Variants in PDE1A observed in about 807,000 individuals in gnomAD.
PDE1A encodes the protein dual specificity calcium/calmodulin-dependent 3',5'-cyclic nucleotide phosphodiesterase 1A.
PDE1A carries 35 observed loss-of-function variants against 61.7 expected under a neutral mutation model. The ratio of observed to expected loss-of-function variants is 0.57; its 90% CI spans 0.43 to 0.75. The LOEUF is 0.75. Ranked by LOEUF, PDE1A falls within the 30% of genes least tolerant of loss-of-function variation. The pLI is 0.00. For missense variants in PDE1A, 597 were observed against 630.6 expected, an observed-to-expected ratio of 0.95 and a Z score of 0.57; for synonymous variants, 232 against 213.2, an observed-to-expected ratio of 1.09 and a Z score of -0.77.
chr2:182,250,806 T>G (rs1691343562), intron 2 of PDE1A, among the ~76,000 whole-genome samples: 1 of 152,128 alleles, frequency 6.6e-6, no homozygotes, highest in Admixed American at 6.5e-5. Context: ...TTCTCCAAGG[T>G]AAGACCTACG....
intron 1 of PDE1A, among the ~76,000 whole-genome samples, chr2:182,320,020 A>T (rs1696597717): frequency 6.6e-6 from 1 of 152,124 alleles, no homozygotes; most frequent in Non-Finnish European, 1.5e-5. Context: ...TATGTTGCCT[A>T]TATTCAGTGT....
At chr2:182,167,842 A>G (rs1553519592), downstream of PDE1A, 1 of 910,306 alleles carries the variant, frequency 1.1e-6, no homozygotes, top group Non-Finnish European at 1.3e-6. Context: ...TTTTTTTTTA[A>G]TTTGCACTAC....
intron 1 of PDE1A, among the ~76,000 whole-genome samples, chr2:182,411,189 T>C (rs1702593292): frequency 6.6e-6 from 1 of 152,196 alleles, no homozygotes; most frequent in South Asian, 2.1e-4. Context: ...TACTCTGTTT[T>C]TTCTTCAGCT....
chr2:182,157,023 T>TA (rs979973793), intron 13 of PDE1A, among the ~76,000 whole-genome samples: 14 of 148,176 alleles, frequency 9.4e-5, no homozygotes, highest in African/African-American at 3.2e-4. Context: ...TATTTTATTT[T>TA]TTTTTTTTTG....
intron 1 of PDE1A, among the ~76,000 whole-genome samples, chr2:182,273,015 C>A (rs570257050): frequency 4.5e-4 from 68 of 152,074 alleles, no homozygotes; most frequent in Middle Eastern, 3.4e-3. Flanking sequence ...AGAGTTATTT[C>A]CTCTATTATC....
At chr2:182,222,206 T>C (rs1242400390) in intron 7 of PDE1A, among the ~76,000 whole-genome samples, 2 of 151,998 alleles carry the variant, frequency 1.3e-5, no homozygotes, top group African/African-American at 4.8e-5. Context: ...TGGAATAGTA[T>C]TCAGTGATAA....
chr2:182,466,321 C>A (rs560570163), intron 2 of PDE1A, among the ~76,000 whole-genome samples: 1 of 152,096 alleles, frequency 6.6e-6, no homozygotes, highest in East Asian at 1.9e-4. Flanking sequence ...TCTCATCAGA[C>A]TAAAATCAAA....
At chr2:182,680,903 T>C in the PDE1A span, among the ~76,000 whole-genome samples, 10 of 152,220 alleles carry the variant, frequency 6.6e-5, no homozygotes, top group Non-Finnish European at 1.0e-4. Context: ...CTCTTATTTA[T>C]ACCTACTTTC....
At chr2:182,646,939 C>T in the PDE1A span, among the ~76,000 whole-genome samples, 9 of 152,252 alleles carry the variant, frequency 5.9e-5, no homozygotes, top group South Asian at 1.5e-3. Flanking sequence ...TCTAGGCCTG[C>T]GTGGAGACAA....
chr2:182,626,719 A>T, the PDE1A span, among the ~76,000 whole-genome samples: 4 of 11,874 alleles, frequency 3.4e-4, no homozygotes, highest in Non-Finnish European at 1.2e-3. Flanking sequence ...AAATGGCTTT[A>T]TATATATATA....
At chr2:182,667,803 C>T in the PDE1A span, among the ~76,000 whole-genome samples, 2 of 152,088 alleles carry the variant, frequency 1.3e-5, no homozygotes, top group South Asian at 4.1e-4. Flanking sequence ...AAACTGCAAC[C>T]CAAAATGAGA....
chr2:182,526,037 A>G (rs1398459982), upstream of PDE1A, among the ~76,000 whole-genome samples: 2 of 152,200 alleles, frequency 1.3e-5, no homozygotes, highest in Non-Finnish European at 2.9e-5. Flanking sequence ...AGGTGAGAAC[A>G]AGAAATCATA....
intron 1 of PDE1A, among the ~76,000 whole-genome samples, chr2:182,421,281 A>C (rs1393466055): frequency 6.6e-6 from 1 of 152,162 alleles, no homozygotes; most frequent in Non-Finnish European, 1.5e-5. Context: ...GTCTAAGATA[A>C]ATGTACATGT....
the PDE1A span, among the ~76,000 whole-genome samples, chr2:182,582,590 A>C: frequency 6.6e-6 from 1 of 152,218 alleles, no homozygotes; most frequent in African/African-American, 2.4e-5. Context: ...GAGATGGGAG[A>C]GTGCCACTCG....
the PDE1A span, among the ~76,000 whole-genome samples, chr2:182,571,999 A>G: frequency 6.6e-6 from 1 of 152,342 alleles, no homozygotes; most frequent in South Asian, 2.1e-4. Flanking sequence ...TTAGAACTGA[A>G]GTGTCAGCTA....
intron 2 of PDE1A, among the ~76,000 whole-genome samples, chr2:182,516,708 GGAAGGA>G (rs1559534019): frequency 1.4e-4 from 5 of 35,826 alleles, no homozygotes; most frequent in African/African-American, 5.7e-4. Flanking sequence ...AAGGGAGGAA[GGAAGGA>G]AGGAAGGAAG....
At chr2:182,542,214 G>C in the PDE1A span, among the ~76,000 whole-genome samples, 1 of 151,988 alleles carries the variant, frequency 6.6e-6, no homozygotes, top group Non-Finnish European at 1.5e-5. Flanking sequence ...TATACTTTAA[G>C]TTAAAAATCT....
the PDE1A span, among the ~76,000 whole-genome samples, chr2:182,662,693 T>A: frequency 8.5e-5 from 13 of 152,068 alleles, no homozygotes; most frequent in Non-Finnish European, 1.6e-4. Context: ...CAACTCAAGA[T>A]GGATTAAAGG....
At chr2:182,255,991 A>G (rs1337682727) in intron 2 of PDE1A, among the ~76,000 whole-genome samples, 2 of 142,836 alleles carry the variant, frequency 1.4e-5, no homozygotes, top group African/African-American at 5.2e-5. Context: ...TTTTCAACCA[A>G]TGTTTGGCTA....
Sources: allele counts gnomAD v4.1 joint callset (sites outside exome capture counted in the v4.1 genomes callset), GRCh38; gene constraint gnomAD v4.1.1; transcripts MANE v1.5; gene names NCBI Gene and HGNC (gene_info 2026-07-23, HGNC 2026-07-21).